The following LZTFL1 variants were observed in gnomAD, a reference collection of about 807,000 sequenced individuals.
LZTFL1 encodes leucine zipper transcription factor like 1.
LZTFL1 carries 25 observed loss-of-function variants against 45.9 expected under a neutral mutation model. The ratio of observed to expected loss-of-function variants is 0.54; its 90% confidence interval spans 0.40 to 0.76. The LOEUF (loss-of-function observed/expected upper bound fraction) is 0.76, where lower values mean the gene tolerates loss of function less well. Among genes scored for constraint, LZTFL1 ranks in the 30% least tolerant of loss-of-function variants. The pLI, the probability that LZTFL1 is intolerant of heterozygous loss-of-function variation, is 0.00. For synonymous variants in LZTFL1, 93 were observed against 117.4 expected (o/e 0.79, Z 1.35); for missense variants, 277 against 331.1 (o/e 0.84, Z 1.27).
chr3:45,884,414 A>T (rs1701926775), intron 2 of LZTFL1, among the ~76,000 whole-genome samples: 1 of 152,054 alleles, frequency 6.6e-6, no homozygotes, highest in African/African-American at 2.4e-5. Context: ...CAGCCTCATG[A>T]TCCTCTCTGC....
intron 2 of LZTFL1, among the ~76,000 whole-genome samples, chr3:45,859,809 A>T (rs759750084): frequency 9.2e-5 from 14 of 151,868 alleles, no homozygotes; most frequent in Non-Finnish European, 7.4e-5. Flanking sequence ...GCTAATTTTT[A>T]TATTTTTAGT....
rs779479313 is a variant in LZTFL1 at position 45,900,957 on chromosome 3, C to A, written c.-215+12163G>T. The A allele has an allele frequency of 1.2e-6, 2 of 1,614,206 alleles. No individual in the cohort carries two copies. Among genetic ancestry groups the A allele is most frequent in the Non-Finnish European group, 1.7e-6 (2 of 1,180,030 alleles). ...CCATTTCCTCCCACCCTTGTACTGG[C>A]TCGTGTTCATCGTGGGTGCCTTGGG... On this transcript the variant is annotated intron_variant, in intron 2 of 4. Transcript: ENST00000472635. The surrounding 1 kb of genome is among the most constrained non-coding windows in gnomAD (Gnocchi z 4.7).
intron 1 of LZTFL1, chr3:45,841,774 T>G (rs1295134671): frequency 2.6e-5 from 16 of 622,078 alleles, no homozygotes; most frequent in Non-Finnish European, 1.7e-5. Flanking sequence ...GCTGGGCTGC[T>G]GGGAAAAGGC....
chr3:45,876,539 C>A (rs1701751590), intron 2 of LZTFL1, among the ~76,000 whole-genome samples: 2 of 151,328 alleles, frequency 1.3e-5, no homozygotes, highest in African/African-American at 2.4e-5. Flanking sequence ...CAGAGGTAAT[C>A]ATGATACCCT....
At chr3:45,894,693 A>T (rs1702294799) in intron 2 of LZTFL1, among the ~76,000 whole-genome samples, 1 of 152,204 alleles carries the variant, frequency 6.6e-6, no homozygotes, top group African/African-American at 2.4e-5. Flanking sequence ...CAAAGAAGTG[A>T]ATGATAACTT....
upstream of LZTFL1, chr3:45,842,173 C>T: frequency 1.4e-6 from 2 of 1,469,732 alleles, no homozygotes; most frequent in East Asian, 2.5e-5. Flanking sequence ...TTTCATTGGT[C>T]CTCAGGATCA....
intron 2 of LZTFL1, among the ~76,000 whole-genome samples, chr3:45,869,603 C>T (rs1488280156): frequency 2.0e-5 from 3 of 152,222 alleles, no homozygotes; most frequent in East Asian, 1.9e-4. Flanking sequence ...TCTGAGCCTA[C>T]ACCCCCTTGT....
chr3:45,854,455 T>C, intron 4 of LZTFL1: 1 of 153,100 alleles, frequency 6.5e-6, no homozygotes, highest in South Asian at 2.1e-4. Context: ...ATCACAGCTA[T>C]TCAGGAGGCT....
At chr3:45,884,624 C>A (rs1242248552) in intron 2 of LZTFL1, among the ~76,000 whole-genome samples, 2 of 152,154 alleles carry the variant, frequency 1.3e-5, no homozygotes, top group African/African-American at 2.4e-5. Context: ...CTCACTCCAA[C>A]GTCTAGGGGC....
intron 2 of LZTFL1, 105 bp downstream of exon 2, chr3:45,837,822 T>C: frequency 1.6e-6 from 2 of 1,246,506 alleles, no homozygotes; most frequent in Non-Finnish European, 2.2e-6. Context: ...TAATTGATCA[T>C]GATGAATCCC....
chr3:45,881,459 C>T (rs1273310603), intron 2 of LZTFL1, among the ~76,000 whole-genome samples: 1 of 152,178 alleles, frequency 6.6e-6, no homozygotes, highest in Non-Finnish European at 1.5e-5. Flanking sequence ...TGTCCTGTCC[C>T]TCCCATTCCT....
At chr3:45,830,074 AG>A (rs1200200538) in intron 7 of LZTFL1, among the ~76,000 whole-genome samples, 4 of 152,226 alleles carry the variant, frequency 2.6e-5, no homozygotes, top group Non-Finnish European at 5.9e-5. Flanking sequence ...TAGAGTGAAG[AG>A]TGCATGGGGG....
chr3:45,871,741 A>T (rs1701673743), intron 2 of LZTFL1, among the ~76,000 whole-genome samples: 1 of 152,160 alleles, frequency 6.6e-6, no homozygotes, highest in Admixed American at 6.5e-5. Flanking sequence ...AAGCCCCCAA[A>T]GATTGCAAAG....
intron 3 of LZTFL1, 176 bp downstream of exon 3, chr3:45,835,414 A>T: frequency 1.7e-6 from 1 of 582,392 alleles, no homozygotes; most frequent in Non-Finnish European, 3.0e-6. Flanking sequence ...GAGAACTTTT[A>T]AAAGGGTGCT....
intron 2 of LZTFL1, chr3:45,894,904 A>G: frequency 6.2e-7 from 1 of 1,613,234 alleles, no homozygotes; most frequent in Non-Finnish European, 8.5e-7. Context: ...TCCCTTTTCC[A>G]GGAGCAGGCT....
At chr3:45,835,871 G>T in intron 2 of LZTFL1, 87 bp from the exon 3 acceptor site, 3 of 860,550 alleles carry the variant, frequency 3.5e-6, no homozygotes, top group South Asian at 2.0e-5. Flanking sequence ...CCACATTCAT[G>T]TAATCTAAGA....
At chr3:45,883,860 G>A (rs1701911824) in intron 2 of LZTFL1, 2 of 532,208 alleles carry the variant, frequency 3.8e-6, no homozygotes, top group Non-Finnish European at 3.5e-6. Context: ...CAAGGATTCA[G>A]TTAAGCAGCT....
At chr3:45,897,634 C>G in intron 2 of LZTFL1, 3 of 1,532,556 alleles carry the variant, frequency 2.0e-6, no homozygotes, top group Non-Finnish European at 2.6e-6. Flanking sequence ...GACCTTAGCC[C>G]AGGACTAACA....
intron 2 of LZTFL1, among the ~76,000 whole-genome samples, chr3:45,907,179 C>A (rs770775857): frequency 6.6e-6 from 1 of 152,178 alleles, no homozygotes; most frequent in Non-Finnish European, 1.5e-5. Flanking sequence ...AGTCCCTGGT[C>A]TCCCTGGGCT....
Sources: allele counts gnomAD v4.1 joint callset (sites outside exome capture counted in the v4.1 genomes callset), GRCh38; gene constraint gnomAD v4.1.1; non-coding constraint Gnocchi (gnomAD v3.1); transcripts MANE v1.5; gene names NCBI Gene and HGNC (gene_info 2026-07-23, HGNC 2026-07-21).